Variants in GRM5 observed in about 807,000 individuals in gnomAD.
GRM5 encodes the protein glutamate metabotropic receptor 5.
In GRM5, 19 loss-of-function variants were observed where a neutral mutation model predicts 83.1. The ratio of observed to expected loss-of-function variants is 0.23; its 90% confidence interval spans 0.16 to 0.34. The LOEUF is 0.34. Ranked by LOEUF, GRM5 falls within the 10% of genes least tolerant of loss-of-function variation. GRM5 has a pLI of 1.00. For missense variants in GRM5, 1,160 were observed against 1,588.3 expected, an observed-to-expected ratio of 0.73 and a Z score of 4.58; for synonymous variants, 675 against 633.6, an observed-to-expected ratio of 1.07 and a Z score of -0.98.
intron 2 of GRM5, among the ~76,000 whole-genome samples, chr11:89,022,337 T>C (rs934125988): frequency 6.6e-6 from 1 of 152,054 alleles, no homozygotes; most frequent in African/African-American, 2.4e-5. Context: ...GTAGAAGTTA[T>C]GCAAGATTAA....
chr11:88,750,017 G>A (rs917174916), intron 3 of GRM5, among the ~76,000 whole-genome samples: 1 of 151,938 alleles, frequency 6.6e-6, no homozygotes, highest in African/African-American at 2.4e-5. Flanking sequence ...CACTATGAAG[G>A]AACCACACAA....
chr11:88,534,917 A>T (rs745803985), intron 8 of GRM5, among the ~76,000 whole-genome samples: 1 of 152,140 alleles, frequency 6.6e-6, no homozygotes, highest in Non-Finnish European at 1.5e-5. Flanking sequence ...TGGTTTGATA[A>T]GGGGAAACTT....
intron 4 of GRM5, among the ~76,000 whole-genome samples, chr11:88,615,658 A>C (rs1045318038): frequency 6.6e-6 from 1 of 152,106 alleles, no homozygotes; most frequent in African/African-American, 2.4e-5. Context: ...CTAAAAAAAA[A>C]AAAAAAAAAA....
intron 8 of GRM5, among the ~76,000 whole-genome samples, chr11:88,543,672 A>T (rs1397188835): frequency 7.2e-6 from 1 of 138,740 alleles, no homozygotes; most frequent in Non-Finnish European, 1.5e-5. Context: ...GTCCTCTCTC[A>T]TCATTATTTC....
At chr11:88,954,833 T>A (rs146367590) in intron 2 of GRM5, among the ~76,000 whole-genome samples, 101 of 152,280 alleles carry the variant, frequency 6.6e-4, no homozygotes, top group African/African-American at 2.3e-3. Flanking sequence ...CCTTAAAGCC[T>A]GGTGGTAGGC....
chr11:88,586,025 G>A (rs1374708229), intron 7 of GRM5, among the ~76,000 whole-genome samples: 1 of 151,870 alleles, frequency 6.6e-6, no homozygotes, highest in Non-Finnish European at 1.5e-5. Context: ...TTGAGAATAT[G>A]GCTGGCTTAA....
intron 4 of GRM5, among the ~76,000 whole-genome samples, chr11:88,616,389 GTTTTTTTTTTTTTT>G (rs68153026): frequency 4.2e-5 from 4 of 95,792 alleles, no homozygotes; most frequent in Non-Finnish European, 6.2e-5. Context: ...GCTTTGGAGT[GTTTTTTTTTTTTTT>G]TTTTTTTTTT....
intron 2 of GRM5, among the ~76,000 whole-genome samples, chr11:88,995,344 A>G (rs546269860): frequency 2.6e-5 from 4 of 152,062 alleles, no homozygotes; most frequent in African/African-American, 9.6e-5. Context: ...CAGGAGATCA[A>G]GACTATCCTG....
intron 2 of GRM5, among the ~76,000 whole-genome samples, chr11:88,974,372 TAGAGATAGATAG>T (rs1317543174): frequency 9.8e-6 from 1 of 102,162 alleles, no homozygotes; most frequent in African/African-American, 4.7e-5. Flanking sequence ...TCCCTGGCAA[TAGAGATAGATAG>T]ATAGATAGAT....
intron 2 of GRM5, among the ~76,000 whole-genome samples, chr11:88,883,384 T>C (rs1274810257): frequency 6.6e-6 from 1 of 152,192 alleles, no homozygotes; most frequent in Non-Finnish European, 1.5e-5. Flanking sequence ...AGGTCACTCT[T>C]TCTATGCAAA....
intron 1 of GRM5, among the ~76,000 whole-genome samples, chr11:89,048,917 A>G (rs899723145): frequency 1.3e-5 from 2 of 152,238 alleles, no homozygotes; most frequent in African/African-American, 4.8e-5. Flanking sequence ...TGGGGATACT[A>G]TGTGCTAGGC....
chr11:89,014,428 A>G (rs1423934158), intron 2 of GRM5, among the ~76,000 whole-genome samples: 1 of 151,940 alleles, frequency 6.6e-6, no homozygotes, highest in Admixed American at 6.6e-5. Context: ...TATTACTTCA[A>G]TTCATTTTCC....
At chr11:88,761,731 G>T (rs1942520955) in intron 3 of GRM5, among the ~76,000 whole-genome samples, 1 of 151,846 alleles carries the variant, frequency 6.6e-6, no homozygotes, top group South Asian at 2.1e-4. Context: ...CCAAAAAAAG[G>T]TTCCGAATAG....
intron 3 of GRM5, among the ~76,000 whole-genome samples, chr11:88,742,290 C>G (rs185476200): frequency 8.6e-5 from 13 of 151,752 alleles, no homozygotes; most frequent in South Asian, 2.1e-4. Context: ...CTCCTCAAAA[C>G]AATTTTCTGA....
intron 3 of GRM5, among the ~76,000 whole-genome samples, chr11:88,713,758 G>A (rs1941336831): frequency 6.6e-6 from 1 of 151,894 alleles, no homozygotes. Flanking sequence ...CTCTGATGAA[G>A]GGACATTTTA....
chr11:88,679,870 T>A (rs1940433196), intron 3 of GRM5, among the ~76,000 whole-genome samples: 1 of 152,152 alleles, frequency 6.6e-6, no homozygotes, highest in African/African-American at 2.4e-5. Flanking sequence ...TATTTATGAA[T>A]ACACTTTCTC....
intron 3 of GRM5, among the ~76,000 whole-genome samples, chr11:88,666,382 G>A (rs535003633): frequency 6.6e-6 from 1 of 152,260 alleles, no homozygotes; most frequent in South Asian, 2.1e-4. Context: ...ATGCAAAGAG[G>A]GGAAACTTGA....
intron 4 of GRM5, among the ~76,000 whole-genome samples, chr11:88,619,402 C>G (rs1591386951): frequency 6.6e-6 from 1 of 152,178 alleles, no homozygotes; most frequent in African/African-American, 2.4e-5. Context: ...CTTGATAATT[C>G]AGAAGATGTG....
intron 2 of GRM5, among the ~76,000 whole-genome samples, chr11:88,945,207 C>T (rs1343499146): frequency 6.6e-6 from 1 of 151,680 alleles, no homozygotes; most frequent in Non-Finnish European, 1.5e-5. Context: ...TCTACAGGGA[C>T]AACTACTTCA....
Sources: allele counts gnomAD v4.1 joint callset (sites outside exome capture counted in the v4.1 genomes callset), GRCh38; gene constraint gnomAD v4.1.1; transcripts MANE v1.5; gene names NCBI Gene and HGNC (gene_info 2026-07-23, HGNC 2026-07-21).